SGCD: variants seen among roughly 807,000 people sequenced by gnomAD.
The protein encoded by SGCD is sarcoglycan delta, also known as delta-sarcoglycan.
In SGCD, 18 loss-of-function variants were observed where a neutral mutation model predicts 36.6. The ratio of observed to expected loss-of-function variants is 0.49; its 90% CI spans 0.34 to 0.73. SGCD has a LOEUF of 0.73. Ranked by LOEUF, SGCD falls within the 30% of genes least tolerant of loss-of-function variation. The pLI, the probability that SGCD is intolerant of heterozygous loss-of-function variation, is 0.01. For synonymous variants in SGCD, 133 were observed against 130.6 expected (o/e 1.02, Z -0.12); for missense variants, 387 against 346.7 (o/e 1.12, Z -0.92).
At chr5:156,193,750 T>G (rs1025522446) in intron 3 of SGCD, among the ~76,000 whole-genome samples, 3 of 152,194 alleles carry the variant, frequency 2.0e-5, no homozygotes, top group African/African-American at 7.2e-5. Context: ...ACTAAAAAAT[T>G]TCTTCCTCTG....
At chr5:156,552,708 C>T (rs950966851) in intron 4 of SGCD, among the ~76,000 whole-genome samples, 2 of 151,942 alleles carry the variant, frequency 1.3e-5, no homozygotes, top group African/African-American at 4.8e-5. Flanking sequence ...CCTGAGATAG[C>T]AATAATATTA....
chr5:155,875,936 A>G (rs1222953968), intron 1 of SGCD, among the ~76,000 whole-genome samples: 2 of 151,910 alleles, frequency 1.3e-5, no homozygotes, highest in African/African-American at 4.8e-5. Flanking sequence ...AATTGAAGAC[A>G]TACCTAACAC....
At chr5:156,279,775 T>G (rs1766403570) in intron 3 of SGCD, among the ~76,000 whole-genome samples, 1 of 152,104 alleles carries the variant, frequency 6.6e-6, no homozygotes, top group Admixed American at 6.6e-5. Flanking sequence ...AAGGCCCCTT[T>G]CTACATGACT....
intron 1 of SGCD, among the ~76,000 whole-genome samples, chr5:156,056,645 T>TACAAAAAA (rs1760065898): frequency 1.5e-5 from 1 of 68,264 alleles, no homozygotes; most frequent in Admixed American, 1.7e-4. Flanking sequence ...AAATTATCCT[T>TACAAAAAA]AAAAAAAAAA....
intron 1 of SGCD, among the ~76,000 whole-genome samples, chr5:155,934,303 G>A (rs906563296): frequency 6.6e-6 from 1 of 152,198 alleles, no homozygotes; most frequent in Non-Finnish European, 1.5e-5. Context: ...GCAGCAAGCC[G>A]TGAAAATGGC....
At chr5:155,801,915 T>C in the SGCD span, among the ~76,000 whole-genome samples, 1 of 152,204 alleles carries the variant, frequency 6.6e-6, no homozygotes, top group African/African-American at 2.4e-5. Flanking sequence ...TGTTGGAGTT[T>C]AGATACTGTA....
At chr5:155,864,279 A>G in the SGCD span, among the ~76,000 whole-genome samples, 161 of 152,300 alleles carry the variant, frequency 1.1e-3, no homozygotes, top group African/African-American at 3.1e-3. Flanking sequence ...GGAGTGATGT[A>G]TGATGGTTAA....
At chr5:155,757,315 T>C in the SGCD span, among the ~76,000 whole-genome samples, 2 of 152,220 alleles carry the variant, frequency 1.3e-5, no homozygotes, top group Non-Finnish European at 2.9e-5. Flanking sequence ...GTGATTTTCA[T>C]ATATTCTAAC....
chr5:155,744,217 T>G, the SGCD span, among the ~76,000 whole-genome samples: 1 of 152,072 alleles, frequency 6.6e-6, no homozygotes, highest in Non-Finnish European at 1.5e-5. Flanking sequence ...ATCCCAGCAC[T>G]TTGGGAGGCC....
chr5:156,083,150 G>A (rs1013457698), intron 1 of SGCD, among the ~76,000 whole-genome samples: 1 of 151,650 alleles, frequency 6.6e-6, no homozygotes, highest in African/African-American at 2.4e-5. Flanking sequence ...TGAGACTTCT[G>A]TATATATTCA....
At chr5:156,524,937 C>T (rs1265848617) in intron 4 of SGCD, among the ~76,000 whole-genome samples, 1 of 152,022 alleles carries the variant, frequency 6.6e-6, no homozygotes, top group Non-Finnish European at 1.5e-5. Flanking sequence ...AATAGTATTC[C>T]ATTGTGTATA....
At chr5:155,902,969 A>G (rs1756423000) in intron 1 of SGCD, among the ~76,000 whole-genome samples, 1 of 152,168 alleles carries the variant, frequency 6.6e-6, no homozygotes, top group Non-Finnish European at 1.5e-5. Context: ...TTTGAGCCCT[A>G]TGTCTACACT....
chr5:156,563,338 A>C (rs1274039620), intron 4 of SGCD, among the ~76,000 whole-genome samples: 1 of 152,124 alleles, frequency 6.6e-6, no homozygotes, highest in Admixed American at 6.5e-5. Flanking sequence ...CATCACCCTC[A>C]TGAGATAGGT....
intron 1 of SGCD, among the ~76,000 whole-genome samples, chr5:155,992,438 C>T (rs947522411): frequency 1.3e-5 from 2 of 152,108 alleles, no homozygotes; most frequent in African/African-American, 4.8e-5. Flanking sequence ...GAAAAATTAG[C>T]ATCACTAATC....
At chr5:155,866,040 T>C (rs1047685945), upstream of SGCD, among the ~76,000 whole-genome samples, 5 of 152,170 alleles carry the variant, frequency 3.3e-5, no homozygotes, top group African/African-American at 4.8e-5. Flanking sequence ...ACTCAAACAG[T>C]TGCACAAACA....
At chr5:156,540,765 C>T (rs1758318947) in intron 4 of SGCD, among the ~76,000 whole-genome samples, 1 of 152,184 alleles carries the variant, frequency 6.6e-6, no homozygotes, top group Non-Finnish European at 1.5e-5. Context: ...ACCCAATTGC[C>T]TTGCCATCAA....
chr5:155,898,372 A>G (rs1248018759), intron 1 of SGCD, among the ~76,000 whole-genome samples: 1 of 152,250 alleles, frequency 6.6e-6, no homozygotes, highest in Non-Finnish European at 1.5e-5. Flanking sequence ...TTCATCCAAC[A>G]GACTTTTATT....
At chr5:156,170,700 A>T (rs1480745335) in intron 3 of SGCD, among the ~76,000 whole-genome samples, 1 of 152,206 alleles carries the variant, frequency 6.6e-6, no homozygotes, top group Non-Finnish European at 1.5e-5. Context: ...TTAGTAGGAC[A>T]GGTCAGGAAA....
chr5:155,748,444 C>G, the SGCD span, among the ~76,000 whole-genome samples: 6 of 152,186 alleles, frequency 3.9e-5, 1 homozygote, highest in East Asian at 1.2e-3. Context: ...CACAGACATA[C>G]CTGAGGCGTA....
Sources: allele counts gnomAD v4.1 joint callset (sites outside exome capture counted in the v4.1 genomes callset), GRCh38; gene constraint gnomAD v4.1.1; transcripts MANE v1.5; gene names NCBI Gene and HGNC (gene_info 2026-07-23, HGNC 2026-07-21).